The following TSHZ2 variants were observed in gnomAD, a reference collection of about 807,000 sequenced individuals.
The protein encoded by TSHZ2 is teashirt zinc finger homeobox 2.
A neutral mutation model predicts 74.4 loss-of-function variants in TSHZ2; 21 were observed. That is an observed-to-expected ratio of 0.28 (90% CI 0.20 to 0.41). The LOEUF (loss-of-function observed/expected upper bound fraction) is 0.41, where lower values mean the gene tolerates loss of function less well. TSHZ2 is among the 10% of genes least tolerant of loss of function. The pLI, the probability that TSHZ2 is intolerant of heterozygous loss-of-function variation, is 1.00. For synonymous variants in TSHZ2, 540 were observed against 515.3 expected (o/e 1.05, Z -0.65); for missense variants, 1,244 against 1,293.5 (o/e 0.96, Z 0.59).
At chr20:53,462,735 G>T (rs953673229) in intron 2 of TSHZ2, among the ~76,000 whole-genome samples, 2 of 152,196 alleles carry the variant, frequency 1.3e-5, no homozygotes, top group Non-Finnish European at 2.9e-5. Flanking sequence ...AAGAAAGCCT[G>T]GTTCCATGTT....
At chr20:53,061,826 A>G (rs1310800864) in intron 1 of TSHZ2, among the ~76,000 whole-genome samples, 1 of 152,200 alleles carries the variant, frequency 6.6e-6, no homozygotes. Context: ...AAATCAACGA[A>G]TGTGCTTCAC....
At chr20:53,429,107 G>A (rs894084394) in intron 2 of TSHZ2, among the ~76,000 whole-genome samples, 2 of 152,154 alleles carry the variant, frequency 1.3e-5, no homozygotes, top group African/African-American at 4.8e-5. Flanking sequence ...TTAGAACTAA[G>A]TGATACAAGA....
chr20:53,233,178 G>A (rs1989867879), intron 1 of TSHZ2, among the ~76,000 whole-genome samples: 1 of 152,210 alleles, frequency 6.6e-6, no homozygotes. Flanking sequence ...AAATGTGGAA[G>A]GAAGATCTTG....
In TSHZ2 at chr20:53,469,045, T is replaced by TTATATATATATATATATATA. The variant is rs143724013; in HGVS notation, c.*9-18079_*9-18060dup. ...ACCTAAAGGCTCTGAAATCGATATT[T>TTATATATATATATATATATA]TATATATATATATATATATATATAT... On this transcript the variant is annotated intron_variant, in intron 2 of 2. Coordinates refer to ENST00000371497, the MANE Select transcript of TSHZ2 (RefSeq NM_173485.6). Among the ~76,000 whole-genome samples the TTATATATATATATATATATA allele has an allele frequency of 3.2e-3, 157 of 49,040 alleles. 9 individuals are homozygous for TTATATATATATATATATATA. The highest frequency in any genetic ancestry group is 4.9e-3 in the Non-Finnish European group (118 of 24,014). The allele number at this position is 49,040 out of a possible 152,430, so 32.2% of individuals were successfully genotyped here. A position where few individuals can be genotyped will look rare whatever the true frequency, so the allele number is the denominator to read the frequency against.
At chr20:53,465,972 A>G (rs1251248236) in intron 2 of TSHZ2, among the ~76,000 whole-genome samples, 1 of 151,174 alleles carries the variant, frequency 6.6e-6, no homozygotes, top group Non-Finnish European at 1.5e-5. Context: ...TGGTTAAAAA[A>G]AAAAAAAAAA....
intron 2 of TSHZ2, among the ~76,000 whole-genome samples, chr20:53,469,598 ACCCAAGAAAGATAGATAGAG>A (rs1568931845): frequency 9.7e-5 from 6 of 61,800 alleles, no homozygotes; most frequent in African/African-American, 3.1e-4. Context: ...GGAAGGAAGG[ACCCAAGAAAGATAGATAGAG>A]AGGGAGGAAG....
At chr20:53,019,551 G>A (rs764010844) in intron 1 of TSHZ2, among the ~76,000 whole-genome samples, 2 of 152,114 alleles carry the variant, frequency 1.3e-5, no homozygotes, top group Non-Finnish European at 2.9e-5. Context: ...GTCCAGAGGT[G>A]GTGCCTGTGA....
At chr20:52,997,461 A>G (rs753401239) in intron 1 of TSHZ2, among the ~76,000 whole-genome samples, 1 of 152,132 alleles carries the variant, frequency 6.6e-6, no homozygotes, top group Non-Finnish European at 1.5e-5. Context: ...TATGAGACGA[A>G]TTCGTGTTTG....
chr20:53,038,073 C>CG, intron 1 of TSHZ2, among the ~76,000 whole-genome samples: 1 of 151,570 alleles, frequency 6.6e-6, no homozygotes, highest in South Asian at 2.1e-4. Flanking sequence ...GACAGCCTGC[C>CG]CGGGGCTAAA....
intron 1 of TSHZ2, among the ~76,000 whole-genome samples, chr20:53,172,398 T>C (rs1988224031): frequency 6.6e-6 from 1 of 152,216 alleles, no homozygotes; most frequent in Non-Finnish European, 1.5e-5. Flanking sequence ...AGCTATTGTT[T>C]GGGTTTTATT....
chr20:53,398,181 C>G (rs1201196354), intron 2 of TSHZ2: 1 of 152,122 alleles, frequency 6.6e-6, no homozygotes, highest in African/African-American at 2.4e-5. Flanking sequence ...CACCTCAGCA[C>G]ATCCAGGAAG....
intron 2 of TSHZ2, among the ~76,000 whole-genome samples, chr20:53,274,381 C>T (rs1024718850): frequency 6.6e-6 from 1 of 152,214 alleles, no homozygotes; most frequent in Non-Finnish European, 1.5e-5. Context: ...ATCCTAATTT[C>T]ATTCCTCTCT....
chr20:53,076,733 G>A (rs768827202), intron 1 of TSHZ2, among the ~76,000 whole-genome samples: 1 of 152,196 alleles, frequency 6.6e-6, no homozygotes, highest in African/African-American at 2.4e-5. Flanking sequence ...GACAACATGA[G>A]GCAGGAAGAT....
rs115799498 is a variant in TSHZ2 at position 53,165,640 on chromosome 20, C to G, written c.41-87859C>G. On this transcript the variant is annotated intron_variant, in intron 1 of 2. Transcript: ENST00000371497. ...TGGGGCAGAAAAATAAAGCTTCTGA[C>G]ATGCAATTAAAACCTGTCTTGCCCA... Among the ~76,000 whole-genome samples, 608 of 152,336 alleles carry G rather than the reference C, an allele frequency of 4.0e-3. 6 individuals carry two copies. The highest frequency in any genetic ancestry group is 0.014 in the African/African-American group (584 of 41,574).
chr20:53,251,587 G>A (rs957944786), intron 1 of TSHZ2, among the ~76,000 whole-genome samples: 1 of 152,106 alleles, frequency 6.6e-6, no homozygotes, highest in Admixed American at 6.5e-5. Flanking sequence ...TGAAGCTAGA[G>A]ACCAGTAACG....
At chr20:53,093,260 T>A (rs1200497607) in intron 1 of TSHZ2, among the ~76,000 whole-genome samples, 2 of 152,214 alleles carry the variant, frequency 1.3e-5, no homozygotes, top group African/African-American at 2.4e-5. Flanking sequence ...ACACATCCAA[T>A]GTTAGATGCT....
At chr20:53,217,866 AC>A (rs147536900) in intron 1 of TSHZ2, among the ~76,000 whole-genome samples, 2,069 of 152,282 alleles carry the variant, frequency 0.014, 58 homozygotes, top group African/African-American at 0.047. Context: ...TTTTATCCTC[AC>A]CTTTGCAAAC....
chr20:52,976,399 G>A (rs571524237), intron 1 of TSHZ2, among the ~76,000 whole-genome samples: 16 of 152,298 alleles, frequency 1.1e-4, no homozygotes, highest in African/African-American at 3.8e-4. Flanking sequence ...CAGTACCCCA[G>A]GGGTTTGTGT....
chr20:53,132,285 AG>A (rs1021151892), intron 1 of TSHZ2, among the ~76,000 whole-genome samples: 10 of 150,992 alleles, frequency 6.6e-5, no homozygotes, highest in African/African-American at 2.0e-4. Flanking sequence ...CTCCCACTGC[AG>A]GTTTCTCATT....
Sources: allele counts gnomAD v4.1 joint callset (sites outside exome capture counted in the v4.1 genomes callset), GRCh38; gene constraint gnomAD v4.1.1; transcripts MANE v1.5; gene names NCBI Gene and HGNC (gene_info 2026-07-23, HGNC 2026-07-21).